C2orf49: variants seen among roughly 807,000 people sequenced by gnomAD.
C2orf49 encodes tRNA splicing ligase complex subunit 2, also known as tRNA-splicing ligase complex subunit ASW.
A neutral mutation model predicts 20.6 loss-of-function variants in C2orf49; 11 were observed. That is an observed-to-expected ratio of 0.53 (90% CI 0.34 to 0.88). The LOEUF (loss-of-function observed/expected upper bound fraction) is 0.88. C2orf49 is among the 40% of genes least tolerant of loss of function. The pLI, the probability that C2orf49 is intolerant of heterozygous loss-of-function variation, is 0.02. For missense variants in C2orf49, 289 were observed against 274.2 expected (o/e 1.05, Z -0.38); for synonymous variants, 134 against 108.5 (o/e 1.24, Z -1.46).
the C2orf49 span, among the ~76,000 whole-genome samples, chr2:105,356,686 T>C: frequency 6.6e-6 from 1 of 152,246 alleles, no homozygotes; most frequent in African/African-American, 2.4e-5. Context: ...TAGTTTTGCC[T>C]GTTGACATTT....
the C2orf49 span, among the ~76,000 whole-genome samples, chr2:105,370,574 G>A: frequency 6.6e-6 from 1 of 152,172 alleles, no homozygotes; most frequent in Non-Finnish European, 1.5e-5. Context: ...ACTGACTTGT[G>A]TGGGGGGTGT....
chr2:105,372,600 C>G, the C2orf49 span, among the ~76,000 whole-genome samples: 1 of 152,212 alleles, frequency 6.6e-6, no homozygotes, highest in Non-Finnish European at 1.5e-5. Flanking sequence ...ACAAAGCAAA[C>G]CAACATGATG....
At chr2:105,361,703 AT>A in the C2orf49 span, among the ~76,000 whole-genome samples, 1 of 152,192 alleles carries the variant, frequency 6.6e-6, no homozygotes. Context: ...TGTATTTGTT[AT>A]GTGTTTTCCC....
the C2orf49 span, among the ~76,000 whole-genome samples, chr2:105,354,756 G>A: frequency 6.6e-5 from 10 of 152,144 alleles, no homozygotes; most frequent in African/African-American, 2.4e-4. Flanking sequence ...CTACAAGGTA[G>A]TTGTGCATTT....
At chr2:105,372,709 A>T in the C2orf49 span, among the ~76,000 whole-genome samples, 1 of 152,060 alleles carries the variant, frequency 6.6e-6, no homozygotes, top group African/African-American at 2.4e-5. Context: ...GAATCTCTTG[A>T]ACCTGGGAGG....
chr2:105,371,381 G>A, the C2orf49 span, among the ~76,000 whole-genome samples: 1 of 152,098 alleles, frequency 6.6e-6, no homozygotes, highest in Non-Finnish European at 1.5e-5. Context: ...TCTCAAGACT[G>A]CAATAGACAC....
At position 105,345,420 on chromosome 2, in the gene C2orf49, T is replaced by C; in HGVS notation, c.*49T>C. 1.5e-6 allele frequency: 2 copies of C among 1,318,988 alleles called. No homozygotes were observed. Among genetic ancestry groups the C allele is most frequent in the Non-Finnish European group, 2.2e-6 (2 of 922,772 alleles). The allele number at this position is 1,318,988 out of a possible 1,614,324, so 81.7% of individuals were successfully genotyped here. ...TATACTGTAACTGTAGTTTTTCAAA[T>C]ATGTTCATATATATTGACAATATTT... On this transcript the variant is annotated 3_prime_UTR_variant, in exon 4 of 4. Coordinates refer to ENST00000258457, the MANE Select transcript of C2orf49 (RefSeq NM_024093.3).
the C2orf49 span, chr2:105,360,600 C>A: frequency 6.6e-6 from 1 of 152,394 alleles, no homozygotes; most frequent in Non-Finnish European, 1.5e-5. Flanking sequence ...TCATGATCCA[C>A]CCGCCTTGGC....
the C2orf49 span, among the ~76,000 whole-genome samples, chr2:105,355,910 G>A: frequency 1.3e-5 from 2 of 151,848 alleles, no homozygotes; most frequent in East Asian, 1.9e-4. Context: ...AAACCAATGC[G>A]TAAATGAACA....
At chr2:105,378,349 T>TC in the C2orf49 span, 2 of 376,122 alleles carry the variant, frequency 5.3e-6, no homozygotes, top group South Asian at 4.1e-5. Context: ...GCGCAGCCTG[T>TC]CCCCCCACAC....
Position 105,337,636 on chromosome 2 carries a change from C to T in C2orf49, c.49C>T (p.Leu17=). 1 of 1,601,048 alleles carries T rather than the reference C, an allele frequency of 6.2e-7. No homozygotes were observed. Among genetic ancestry groups the T allele is most frequent in the Non-Finnish European group, 8.5e-7 (1 of 1,173,010 alleles). ...GRSCTDSELL[L]HPELLSQEFL... ...CAGCTGCACGGACTCGGAACTGCTGCTGCACCCGGAGCTGCTGTCCCAGGA... is the reference window on the plus strand; with the variant it reads ...CAGCTGCACGGACTCGGAACTGCTGTTGCACCCGGAGCTGCTGTCCCAGGA... Residue 17 remains leucine (L), a synonymous_variant, in exon 1 of 4, where the codon CTG becomes TTG. Coordinates refer to ENST00000258457, the MANE Select transcript of C2orf49 (RefSeq NM_024093.3).
chr2:105,350,653 A>G (rs752108069), downstream of C2orf49, among the ~76,000 whole-genome samples: 1 of 152,226 alleles, frequency 6.6e-6, no homozygotes, highest in Non-Finnish European at 1.5e-5. Context: ...GTTATGGTGA[A>G]AGACAAATGC....
chr2:105,337,984 C>T (rs1339660798), intron 1 of C2orf49, among the ~76,000 whole-genome samples: 1 of 152,120 alleles, frequency 6.6e-6, no homozygotes, highest in Non-Finnish European at 1.5e-5. Context: ...AAGCCCCGAC[C>T]TGAGGAAGAA....
In C2orf49 at chr2:105,347,859, T is replaced by C. The variant is rs1679851576; in HGVS notation, c.*2488T>C. On this transcript the variant is annotated 3_prime_UTR_variant, in exon 4 of 4. Transcript: ENST00000258457. Reference sequence around the variant, plus strand: ...TTACTCACTAACATGAGGCGGGTAATGTTGCTCTAGATTCTATATTCCAGT... The same window carrying C: ...TTACTCACTAACATGAGGCGGGTAACGTTGCTCTAGATTCTATATTCCAGT... 1 of 152,196 alleles carries C rather than the reference T, an allele frequency of 6.6e-6. No individual in the cohort carries two copies. The highest frequency in any genetic ancestry group is 1.5e-5 in the Non-Finnish European group (1 of 68,038). 9.4% of individuals were successfully genotyped at this position (152,196 alleles called of 1,614,324 possible).
chr2:105,373,456 C>T, the C2orf49 span: 1 of 1,278,214 alleles, frequency 7.8e-7, no homozygotes, highest in Non-Finnish European at 1.1e-6. Context: ...GGAAAGTCAA[C>T]ACGAGTGTCT....
the C2orf49 span, chr2:105,363,016 T>TCAC: frequency 2.4e-6 from 1 of 420,376 alleles, no homozygotes; most frequent in African/African-American, 2.0e-5. Context: ...ACTGCAGTTT[T>TCAC]AGCGATAATC....
the C2orf49 span, among the ~76,000 whole-genome samples, chr2:105,383,908 G>A: frequency 8.0e-3 from 1,224 of 152,196 alleles, 14 homozygotes; most frequent in African/African-American, 0.028. Flanking sequence ...GTAACCCCAC[G>A]TATCTCAAAA....
downstream of C2orf49, among the ~76,000 whole-genome samples, chr2:105,352,306 A>G (rs1221762374): frequency 1.3e-5 from 2 of 152,154 alleles, no homozygotes; most frequent in Non-Finnish European, 2.9e-5. Flanking sequence ...AACAAAATAA[A>G]TCCCTAGACA....
chr2:105,355,770 TTGTGTGTGTGTGTGTGTGTGTGTG>T, the C2orf49 span, among the ~76,000 whole-genome samples: 6 of 143,112 alleles, frequency 4.2e-5, no homozygotes, highest in Admixed American at 1.4e-4. Flanking sequence ...AGAAAAAATT[TTGTGTGTGTGTGTGTGTGTGTGTG>T]TGTGTGTGTG....
Sources: allele counts gnomAD v4.1 joint callset (sites outside exome capture counted in the v4.1 genomes callset), GRCh38; gene constraint gnomAD v4.1.1; transcripts MANE v1.5; gene names NCBI Gene and HGNC (gene_info 2026-07-23, HGNC 2026-07-21).